DNAH6: variants seen among roughly 807,000 people sequenced by gnomAD.
DNAH6 encodes axonemal beta dynein heavy chain 6.
DNAH6 carries 340 observed loss-of-function variants against 491.4 expected under a neutral mutation model. The observed-to-expected ratio is 0.69, with a 90% CI of 0.63 to 0.76. The LOEUF (loss-of-function observed/expected upper bound fraction) is 0.76. DNAH6 is among the 30% of genes least tolerant of loss of function. DNAH6 has a pLI of 0.00. For synonymous variants in DNAH6, 1,603 were observed against 1,686.1 expected, an observed-to-expected ratio of 0.95 and a Z score of 1.21; for missense variants, 4,443 against 4,972.2, an observed-to-expected ratio of 0.89 and a Z score of 3.20.
rs377138529 is a variant in DNAH6 at position 84,557,806 on chromosome 2, G to A, written c.1674G>A (p.Ser558=). 17 of 1,611,980 alleles carry A rather than the reference G, an allele frequency of 1.1e-5. 1 individual carries two copies. Among genetic ancestry groups the A allele is most frequent in the East Asian group, 6.7e-5 (3 of 44,792 alleles). The change falls in exon 11 of 77, where the codon TCG becomes TCA. Residue 558 remains serine, a synonymous_variant. Transcript: ENST00000389394. ...CAGTTCCTAATCTCGTGCCTGATTC[G>A]TATTTTGATGCTTTCACCAGCCCTT... ...VLSVPNLVPD[S]YFDAFTSPYI...
chr2:84,608,885 T>C (rs1248235423), intron 21 of DNAH6, among the ~76,000 whole-genome samples: 1 of 152,238 alleles, frequency 6.6e-6, no homozygotes, highest in Non-Finnish European at 1.5e-5. Flanking sequence ...CTATTTTGTC[T>C]TCATTGAAAA....
Position 84,781,573 on chromosome 2 carries a change from G to A in DNAH6, c.10784G>A (p.Trp3595Ter). The change falls in exon 65 of 77, where the codon TGG becomes TAG. Residue 3595 changes from tryptophan to a stop codon, truncating the protein, a stop_gained. Transcript: ENST00000389394. LOFTEE classifies it high-confidence loss of function. The stretch of plus-strand genomic sequence containing the variant: ...AAGGATGCAATGAAATCAGGAAACT[G>A]GGTATTTTTGCAAAATTGCCATCTT... ...MVKDAMKSGN[W>*]VFLQNCHLAV... 1 of 1,551,728 alleles carries A rather than the reference G, an allele frequency of 6.4e-7. No individual in the cohort carries two copies. Among genetic ancestry groups the A allele is most frequent in the Non-Finnish European group, 8.7e-7 (1 of 1,146,910 alleles).
rs913529416 is a variant in DNAH6, at chr2:84,583,866, T to G, written c.2230-133T>G. On this transcript the variant is annotated intron_variant, in intron 14 of 76. Transcript: ENST00000389394. ...TTTATAAATTACCCAGTCTTAGATA[T>G]GTCTTTATTAGCAGCAGCAGAACAG... 5.6e-5 allele frequency: 51 copies of G among 918,680 alleles called. 1 individual carries two copies. The African/African-American group carries it at 7.0e-4, about 13-fold the overall frequency. 56.9% of individuals were successfully genotyped at this position (918,680 alleles called of 1,614,324 possible). A position where few individuals can be genotyped will look rare whatever the true frequency, so the allele number is the denominator to read the frequency against.
At chr2:84,758,019 T>A (rs1432090397) in intron 63 of DNAH6, among the ~76,000 whole-genome samples, 1 of 152,246 alleles carries the variant, frequency 6.6e-6, no homozygotes, top group Non-Finnish European at 1.5e-5. Context: ...ATTTATTTTC[T>A]GCATATTTAA....
intron 63 of DNAH6, among the ~76,000 whole-genome samples, chr2:84,750,360 C>A (rs1429652598): frequency 6.6e-6 from 1 of 151,566 alleles, no homozygotes; most frequent in Non-Finnish European, 1.5e-5. Context: ...TTTTTGTATT[C>A]TTTTTGTAGA....
In DNAH6 at chr2:84,707,453, A is replaced by C. The variant is rs1254245639; in HGVS notation, c.8852-67A>C. ...TATTCTGCTATAAAAAGAAACAGGTAAATAAGCTTTTAATACTTTATGAAA... is the reference window on the plus strand; with the variant it reads ...TATTCTGCTATAAAAAGAAACAGGTCAATAAGCTTTTAATACTTTATGAAA... On this transcript the variant is annotated intron_variant, in intron 53 of 76. Transcript: ENST00000389394. 2.9e-6 allele frequency: 4 copies of C among 1,370,534 alleles called. No individual in the cohort carries two copies. In the Admixed American group the frequency reaches 1.1e-4, roughly 37 times the overall value. 84.9% of individuals were successfully genotyped at this position (1,370,534 alleles called of 1,614,324 possible). A position where few individuals can be genotyped will look rare whatever the true frequency, so the allele number is the denominator to read the frequency against.
chr2:84,748,684 A>G (rs1673186318), intron 63 of DNAH6, among the ~76,000 whole-genome samples: 1 of 152,220 alleles, frequency 6.6e-6, no homozygotes, highest in South Asian at 2.1e-4. Context: ...CTCTTCCAGT[A>G]TCTTCTCATT....
At chr2:84,460,705 AT>A in the DNAH6 span, among the ~76,000 whole-genome samples, 106,290 of 152,006 alleles carry the variant, frequency 0.7, 39,003 homozygotes, top group East Asian at 0.9. Flanking sequence ...TATTTTTTGG[AT>A]CCACAGGCAA....
At chr2:84,686,459 A>G (rs910168055) in intron 43 of DNAH6, 25 bp from the exon 44 acceptor site, 4 of 1,301,748 alleles carry the variant, frequency 3.1e-6, no homozygotes, top group Non-Finnish European at 4.3e-6. Flanking sequence ...ATTATATTTA[A>G]AACTTGGTTT....
At chr2:84,728,809 C>T (rs989044173) in intron 61 of DNAH6, among the ~76,000 whole-genome samples, 46 of 151,982 alleles carry the variant, frequency 3.0e-4, no homozygotes, top group African/African-American at 7.3e-5. Context: ...ACTGGCTTAA[C>T]CCACACACAT....
chr2:84,469,302 C>CA, the DNAH6 span, among the ~76,000 whole-genome samples: 3 of 152,132 alleles, frequency 2.0e-5, no homozygotes, highest in African/African-American at 7.2e-5. This position sits in a 1 kb window ranked among gnomAD's most constrained non-coding sequence, Gnocchi z 4.0. Context: ...GTTGCACCAT[C>CA]ACCCTGGGGG....
At chr2:84,461,449 A>G in the DNAH6 span, among the ~76,000 whole-genome samples, 1 of 152,192 alleles carries the variant, frequency 6.6e-6, no homozygotes, top group Admixed American at 6.5e-5. Context: ...GGTAGGGGAC[A>G]ACCACACTAG....
chr2:84,704,369 G>A (rs1356825211), intron 51 of DNAH6, 67 bp downstream of exon 51: 5 of 1,182,094 alleles, frequency 4.2e-6, no homozygotes, highest in African/African-American at 3.1e-5. Flanking sequence ...TTCCTCCATG[G>A]TAATGTATAT....
chr2:84,729,337 C>T lies in DNAH6; in HGVS notation c.10206+1435C>T, dbSNP rs1161912531. On this transcript the variant is annotated intron_variant, in intron 61 of 76. Coordinates refer to ENST00000389394, the MANE Select transcript of DNAH6 (RefSeq NM_001370.2). The stretch of plus-strand genomic sequence containing the variant: ...TAACACACTTAACAGGACCTGGAAC[C>T]GGGATTTGAACACTTGCAGTCTGTA... Among the ~76,000 whole-genome samples the T allele has an allele frequency of 2.6e-5, 4 of 152,118 alleles. No individual in the cohort carries two copies. The South Asian group carries it at 6.2e-4, about 24-fold the overall frequency.
intron 40 of DNAH6, 112 bp downstream of exon 40, chr2:84,672,596 C>T: frequency 1.0e-6 from 1 of 961,746 alleles, no homozygotes; most frequent in Non-Finnish European, 1.5e-6. Flanking sequence ...GTGGCTTACA[C>T]AACAGAAATT....
chr2:84,719,899 GACAC>G (rs1332177394), intron 59 of DNAH6, among the ~76,000 whole-genome samples: 1 of 129,176 alleles, frequency 7.7e-6, no homozygotes. Context: ...CACACACACA[GACAC>G]ACACACACAA....
chr2:84,657,874 G>C lies in DNAH6; in HGVS notation c.5758-418G>C, dbSNP rs192554484. ...AAAGTTGAATAAGAGTAGTGAGAGG[G>C]GCTGAATTCACTTTTAAATATTTGG... On this transcript the variant is annotated intron_variant, in intron 35 of 76. Transcript: ENST00000389394. Among the ~76,000 whole-genome samples, 8 of 151,988 alleles carry C rather than the reference G, an allele frequency of 5.3e-5. No homozygotes were observed. In the East Asian group the frequency reaches 9.6e-4, roughly 18 times the overall value.
chr2:84,513,663 GT>G (rs1275426181), upstream of DNAH6, among the ~76,000 whole-genome samples: 2 of 151,504 alleles, frequency 1.3e-5, no homozygotes, highest in Non-Finnish European at 2.9e-5. Flanking sequence ...GTATGCTTGG[GT>G]TTTTTTTAAT....
At chr2:84,753,053 C>G (rs1055517723) in intron 63 of DNAH6, among the ~76,000 whole-genome samples, 1 of 152,200 alleles carries the variant, frequency 6.6e-6, no homozygotes, top group African/African-American at 2.4e-5. Flanking sequence ...TCTCCACACC[C>G]TCACAACATT....
Sources: gnomAD v4.1 joint callset for allele counts (sites outside exome capture counted in the v4.1 genomes callset) on GRCh38, gnomAD v4.1.1 for gene constraint, Gnocchi (gnomAD v3.1) non-coding constraint, MANE v1.5 for transcripts, NCBI Gene and HGNC (gene_info 2026-07-23, HGNC 2026-07-21) for gene names.